Variants in ZNF721 observed in about 807,000 individuals in gnomAD.
ZNF721 encodes the protein zinc finger protein 721.
Under a neutral mutation model 2.4 loss-of-function variants are expected in ZNF721, and 2 were observed. That is an observed-to-expected ratio of 0.82 (90% CI 0.34 to 2.58). The LOEUF is 2.58. Among genes scored for constraint, ZNF721 ranks in the 30% most tolerant of loss-of-function variants. ZNF721 has a pLI of 0.11. For missense variants in ZNF721, 1,187 were observed against 1,085.5 expected (o/e 1.09, Z -1.31); for synonymous variants, 398 against 381.8 (o/e 1.04, Z -0.50).
chr4:460,145 T>C (rs1715015252), intron 2 of ZNF721, among the ~76,000 whole-genome samples: 1 of 152,146 alleles, frequency 6.6e-6, no homozygotes, highest in Non-Finnish European at 1.5e-5. Flanking sequence ...ACATACATTA[T>C]TCTCGGCACC....
intron 2 of ZNF721, among the ~76,000 whole-genome samples, chr4:468,767 A>G (rs1481195798): frequency 3.9e-5 from 6 of 152,226 alleles, no homozygotes; most frequent in South Asian, 2.1e-4. Flanking sequence ...GTCAAAAAAC[A>G]GATTATACAA....
intron 1 of ZNF721, chr4:474,097 T>A: frequency 7.6e-7 from 1 of 1,314,002 alleles, no homozygotes; most frequent in South Asian, 1.2e-5. Flanking sequence ...CCCTGAGGTG[T>A]GGAAGCAGGG....
At chr4:464,376 G>A (rs1426230328) in intron 2 of ZNF721, among the ~76,000 whole-genome samples, 2 of 151,018 alleles carry the variant, frequency 1.3e-5, no homozygotes, top group African/African-American at 4.9e-5. Flanking sequence ...GGCTGAGGCA[G>A]GAGAATCGCT....
chr4:493,506 C>T (rs1387003321), intron 1 of ZNF721, among the ~76,000 whole-genome samples: 1 of 152,090 alleles, frequency 6.6e-6, no homozygotes, highest in Non-Finnish European at 1.5e-5. Flanking sequence ...TGGCGAAACC[C>T]TTTCTTTACT....
chr4:458,474 C>A (rs1404896015), intron 2 of ZNF721, among the ~76,000 whole-genome samples: 4 of 152,130 alleles, frequency 2.6e-5, no homozygotes, highest in Admixed American at 2.6e-4. Context: ...CAAAACAAGG[C>A]TTCATGACTT....
intron 1 of ZNF721, among the ~76,000 whole-genome samples, chr4:491,357 G>A (rs1233587279): frequency 6.6e-6 from 1 of 152,188 alleles, no homozygotes; most frequent in Non-Finnish European, 1.5e-5. Flanking sequence ...GGCGGAGGTT[G>A]CAGTGAGCCA....
chr4:485,808 C>T (rs1244104778), intron 1 of ZNF721, among the ~76,000 whole-genome samples: 1 of 152,058 alleles, frequency 6.6e-6, no homozygotes, highest in African/African-American at 2.4e-5. Context: ...AACCCCGTCT[C>T]TACTAAAAAT....
chr4:473,522 C>CT lies in ZNF721; in HGVS notation c.-93-822dup, dbSNP rs1270381539. On this transcript the variant is annotated intron_variant, in intron 1 of 2. Coordinates refer to ENST00000511833, the MANE Select transcript of ZNF721 (RefSeq NM_133474.4). ...ACTTCCTCACACACCTCACAAAAGT[C>CT]TTTTTTTTCAAGACCCGCTGGCAGC... 1.3e-4 allele frequency among the ~76,000 whole-genome samples: 20 copies of CT among 152,016 alleles called. 1 individual carries two copies. Among genetic ancestry groups the CT allele is most frequent in the African/African-American group, 4.6e-4 (19 of 41,488 alleles).
intron 2 of ZNF721, among the ~76,000 whole-genome samples, chr4:471,303 T>G (rs1013276522): frequency 2.6e-5 from 4 of 152,174 alleles, no homozygotes; most frequent in Non-Finnish European, 5.9e-5. Flanking sequence ...TTCAGCCCCA[T>G]GTTCATTGTA....
At chr4:474,598 T>C (rs1372285596) in intron 1 of ZNF721, among the ~76,000 whole-genome samples, 3 of 152,168 alleles carry the variant, frequency 2.0e-5, no homozygotes, top group Non-Finnish European at 4.4e-5. Context: ...AATGTTAGGC[T>C]GAGCACGGTT....
chr4:449,613 G>T (rs1051558556), intron 2 of ZNF721, among the ~76,000 whole-genome samples: 4 of 152,104 alleles, frequency 2.6e-5, no homozygotes, highest in South Asian at 2.1e-4. Context: ...GCTTTGCATA[G>T]CAAAGACAGC....
chr4:493,130 A>G (rs1576975007), intron 1 of ZNF721, among the ~76,000 whole-genome samples: 1 of 151,918 alleles, frequency 6.6e-6, no homozygotes, highest in East Asian at 1.9e-4. Context: ...GTCATAATTT[A>G]AAGTTGTGAA....
At position 459,726 on chromosome 4, in the gene ZNF721, G is replaced by A. The variant is rs371506888; in HGVS notation, c.34+12849C>T. On this transcript the variant is annotated intron_variant, in intron 2 of 2. Transcript: ENST00000511833. ...GGCGCCTGTAGTCCCAGCTACTCAG[G>A]AGGCTGAGGCAGGAGAATGGCGTGA... 1.4e-4 allele frequency among the ~76,000 whole-genome samples: 21 copies of A among 152,024 alleles called. No homozygotes were observed. The South Asian group carries it at 4.2e-3, about 30-fold the overall frequency.
intron 1 of ZNF721, among the ~76,000 whole-genome samples, chr4:487,308 C>G (rs1205724485): frequency 6.6e-6 from 1 of 152,160 alleles, no homozygotes; most frequent in Non-Finnish European, 1.5e-5. Context: ...ATTCTTCCAT[C>G]TCTATGACAA....
rs1714333425 is a variant in ZNF721 at position 443,214 on chromosome 4, G to A, written c.1253C>T (p.Thr418Ile). The A allele has an allele frequency of 6.8e-6, 11 of 1,613,874 alleles. No homozygotes were observed. The highest frequency in any genetic ancestry group is 9.3e-6 in the Non-Finnish European group (11 of 1,179,888). ...AAAGGCTCTGCCACGATCTTCACAT[G>A]TGTAGGGTTTCTCTCTGGTGTGAAT... is the stretch of plus-strand genomic sequence containing the variant. ...KRIHTREKPY[T>I]CEDRGRAFGL... Residue 418 changes from threonine to isoleucine, a missense_variant, in exon 3 of 3, where the codon ACA becomes ATA. Transcript: ENST00000511833.
At position 443,667 on chromosome 4, in the gene ZNF721, T is replaced by C. The variant is rs782315918; in HGVS notation, c.800A>G (p.His267Arg). ...VISSSSSFAK[H>R]KRIHTGEKPF... ...TTTCTCGCCAGTATGAATCCTCTTA[T>C]GTTTAGCAAAGCTTGAGGATGAGGA... The change falls in exon 3 of 3, where the codon CAT becomes CGT. Residue 267 changes from histidine (H) to arginine (R), a missense_variant. Coordinates refer to ENST00000511833, the MANE Select transcript of ZNF721 (RefSeq NM_133474.4). The C allele has an allele frequency of 3.7e-6, 6 of 1,614,104 alleles. No homozygotes were observed. The highest frequency in any genetic ancestry group is 1.1e-5 in the South Asian group (1 of 91,068).
intron 1 of ZNF721, among the ~76,000 whole-genome samples, chr4:493,680 C>G (rs1466162148): frequency 8.3e-5 from 5 of 60,444 alleles, no homozygotes; most frequent in Non-Finnish European, 1.7e-4. Context: ...TTCCATCCCC[C>G]CCGCAAAAAA....
Position 443,042 on chromosome 4 carries a change from A to C in ZNF721, c.1425T>G (p.Cys475Trp), listed in dbSNP as rs1208553424. The C allele has an allele frequency of 1.2e-6, 2 of 1,613,852 alleles. No individual in the cohort carries two copies. Among genetic ancestry groups the C allele is most frequent in the Admixed American group, 3.3e-5 (2 of 60,014 alleles). Reference sequence around the variant, plus strand: ...AGGTAATGACTTTGCCACATTGCTTACATTTGTAGGGTTTCTTTCCAGTAT... The same window carrying C: ...AGGTAATGACTTTGCCACATTGCTTCCATTTGTAGGGTTTCTTTCCAGTAT... ...KIHTGKKPYK[C>W]KQCGKVITSS... Residue 475 changes from cysteine to tryptophan, a missense_variant, in exon 3 of 3, where the codon TGT becomes TGG. Cys to Trp is a radical substitution (Grantham distance 215, BLOSUM62 -2). Coordinates refer to ENST00000511833, the MANE Select transcript of ZNF721 (RefSeq NM_133474.4).
At chr4:459,360 T>A (rs1714944429) in intron 2 of ZNF721, among the ~76,000 whole-genome samples, 1 of 151,876 alleles carries the variant, frequency 6.6e-6, no homozygotes, top group South Asian at 2.1e-4. Flanking sequence ...ACTGGAAAAT[T>A]AGAGTCAAGA....
Sources: gnomAD v4.1 joint callset for allele counts (sites outside exome capture counted in the v4.1 genomes callset) on GRCh38, gnomAD v4.1.1 for gene constraint, MANE v1.5 for transcripts, NCBI Gene and HGNC (gene_info 2026-07-23, HGNC 2026-07-21) for gene names.